The following PHACTR3 variants were observed in gnomAD, a reference collection of about 807,000 sequenced individuals.
PHACTR3 encodes protein phosphatase 1, regulatory subunit 123.
A neutral mutation model predicts 66.8 loss-of-function variants in PHACTR3; 16 were observed. That is an observed-to-expected ratio of 0.24 (90% CI 0.16 to 0.36). The LOEUF (loss-of-function observed/expected upper bound fraction) is 0.36. Among genes scored for constraint, PHACTR3 ranks in the 10% least tolerant of loss-of-function variants. The pLI, the probability that PHACTR3 is intolerant of heterozygous loss-of-function variation, is 1.00. For synonymous variants in PHACTR3, 323 were observed against 292.1 expected (o/e 1.11, Z -1.08); for missense variants, 647 against 719.9 (o/e 0.90, Z 1.16).
chr20:59,751,399 G>A (rs1057097739), intron 3 of PHACTR3, among the ~76,000 whole-genome samples: 5 of 152,128 alleles, frequency 3.3e-5, no homozygotes, highest in African/African-American at 9.7e-5. Context: ...GAGCCCCCTC[G>A]AAACTCACAT....
chr20:59,805,766 G>A (rs2041547034), intron 7 of PHACTR3, among the ~76,000 whole-genome samples: 1 of 152,186 alleles, frequency 6.6e-6, no homozygotes, highest in Non-Finnish European at 1.5e-5. Context: ...TAATCATCTG[G>A]GACAGCAGGT....
intron 5 of PHACTR3, among the ~76,000 whole-genome samples, chr20:59,768,378 C>G (rs1286109440): frequency 1.3e-5 from 2 of 152,198 alleles, no homozygotes; most frequent in African/African-American, 4.8e-5. Context: ...GATTAACCAC[C>G]ATCAATAATT....
rs2146332501 is a variant in PHACTR3 at position 59,605,275 on chromosome 20, C to T, written c.118+143C>T. The T allele has an allele frequency of 5.9e-6, 3 of 511,702 alleles. 1 individual carries two copies. Among genetic ancestry groups the T allele is most frequent in the Non-Finnish European group, 3.0e-6 (1 of 328,184 alleles). The allele number at this position is 511,702 out of a possible 1,614,324, so 31.7% of individuals were successfully genotyped here. A position where few individuals can be genotyped will look rare whatever the true frequency, so the allele number is the denominator to read the frequency against. On this transcript the variant is annotated intron_variant, in intron 1 of 12. Coordinates refer to ENST00000371015, the MANE Select transcript of PHACTR3 (RefSeq NM_080672.5). Reference sequence around the variant, plus strand: ...CCGCGCTCGGCCCCGCGGTTCCTATCCCCAGTCTCGCAGGGCTGGGGCGCC... The same window carrying T: ...CCGCGCTCGGCCCCGCGGTTCCTATTCCCAGTCTCGCAGGGCTGGGGCGCC...
chr20:59,610,072 A>G (rs2033802048), intron 1 of PHACTR3, among the ~76,000 whole-genome samples: 1 of 152,188 alleles, frequency 6.6e-6, no homozygotes. Context: ...TAGGCAACAC[A>G]GTGAAACCCT....
At chr20:59,832,902 C>G (rs1182301298) in intron 8 of PHACTR3, among the ~76,000 whole-genome samples, 3 of 152,220 alleles carry the variant, frequency 2.0e-5, no homozygotes, top group Non-Finnish European at 4.4e-5. Context: ...GGTGGCCTGG[C>G]CTTGTTGGGT....
upstream of PHACTR3, among the ~76,000 whole-genome samples, chr20:59,600,856 G>A (rs767489362): frequency 1.3e-5 from 2 of 152,118 alleles, no homozygotes; most frequent in Non-Finnish European, 2.9e-5. Flanking sequence ...GGTGGAGACA[G>A]GGAGGGTTTC....
At chr20:59,610,290 C>T (rs142482496) in intron 1 of PHACTR3, among the ~76,000 whole-genome samples, 50 of 152,316 alleles carry the variant, frequency 3.3e-4, no homozygotes, top group Non-Finnish European at 6.2e-4. Flanking sequence ...GCCCCCTTCT[C>T]ACCCTAACAC....
At chr20:59,608,919 G>A (rs1179613393) in intron 1 of PHACTR3, among the ~76,000 whole-genome samples, 1 of 152,200 alleles carries the variant, frequency 6.6e-6, no homozygotes, top group Non-Finnish European at 1.5e-5. Context: ...GAGGACAGGG[G>A]GCTTGACCAT....
In PHACTR3 at chr20:59,831,557, G is replaced by C. The variant is rs150137676; in HGVS notation, c.1329-4948G>C. 2.5e-3 allele frequency among the ~76,000 whole-genome samples: 375 copies of C among 152,342 alleles called. 3 individuals carry two copies. The highest frequency in any genetic ancestry group is 8.4e-3 in the African/African-American group (351 of 41,574). ...ACCAGCAGCCCCATTTCTGAATCAG[G>C]AGTCTCAAGCAGCTGCAGAGGGTGG... On this transcript the variant is annotated intron_variant, in intron 8 of 12. Coordinates refer to ENST00000371015, the MANE Select transcript of PHACTR3 (RefSeq NM_080672.5).
chr20:59,673,811 C>T (rs1407276178), intron 1 of PHACTR3, among the ~76,000 whole-genome samples: 1 of 152,058 alleles, frequency 6.6e-6, no homozygotes, highest in African/African-American at 2.4e-5. Context: ...ACACCCCTCC[C>T]AAATGTGTCC....
chr20:59,744,265 G>T (rs2039282913), intron 2 of PHACTR3, among the ~76,000 whole-genome samples: 1 of 152,250 alleles, frequency 6.6e-6, no homozygotes, highest in African/African-American at 2.4e-5. Flanking sequence ...TGGCGGGGCT[G>T]AGGCTTGGAC....
At chr20:59,838,875 A>G (rs2059010754) in intron 9 of PHACTR3, among the ~76,000 whole-genome samples, 1 of 152,176 alleles carries the variant, frequency 6.6e-6, no homozygotes, top group Non-Finnish European at 1.5e-5. Flanking sequence ...AGGGGAGCTC[A>G]GAAGGGGAGG....
intron 1 of PHACTR3, among the ~76,000 whole-genome samples, chr20:59,682,360 CA>C (rs904343478): frequency 1.3e-5 from 2 of 151,060 alleles, no homozygotes; most frequent in East Asian, 2.0e-4. Context: ...ACAAACAAAA[CA>C]AAAAAAAGGG....
intron 1 of PHACTR3, among the ~76,000 whole-genome samples, chr20:59,627,438 A>T (rs2034496228): frequency 6.6e-6 from 1 of 152,094 alleles, no homozygotes; most frequent in Non-Finnish European, 1.5e-5. Flanking sequence ...GTCCTGGATG[A>T]CTCCAAGCGT....
chr20:59,644,827 G>A (rs752122618), intron 1 of PHACTR3, among the ~76,000 whole-genome samples: 3 of 152,064 alleles, frequency 2.0e-5, no homozygotes, highest in South Asian at 2.1e-4. Context: ...TCATTTGTTG[G>A]CCAGTGTTTT....
chr20:59,803,129 T>C (rs1402869017), intron 7 of PHACTR3, among the ~76,000 whole-genome samples: 1 of 152,198 alleles, frequency 6.6e-6, no homozygotes, highest in African/African-American at 2.4e-5. Flanking sequence ...TTTCCCTCGG[T>C]GGCTGCCAGG....
chr20:59,722,004 G>A (rs955858429), intron 1 of PHACTR3, among the ~76,000 whole-genome samples: 3 of 152,130 alleles, frequency 2.0e-5, no homozygotes, highest in African/African-American at 7.2e-5. Context: ...GCCGATGCAG[G>A]CAGATCACAA....
At chr20:59,664,293 C>G (rs2035914110) in intron 1 of PHACTR3, among the ~76,000 whole-genome samples, 1 of 152,080 alleles carries the variant, frequency 6.6e-6, no homozygotes, top group African/African-American at 2.4e-5. Context: ...TTTTCAAATT[C>G]CCCCAGCAAC....
chr20:59,780,054 A>G (rs982098827), intron 7 of PHACTR3, among the ~76,000 whole-genome samples: 2 of 152,310 alleles, frequency 1.3e-5, no homozygotes, highest in African/African-American at 2.4e-5. Flanking sequence ...CTCTGGGCGC[A>G]GTAGAAACAC....
Sources: gnomAD v4.1 joint callset for allele counts (sites outside exome capture counted in the v4.1 genomes callset) on GRCh38, gnomAD v4.1.1 for gene constraint, MANE v1.5 for transcripts, NCBI Gene and HGNC (gene_info 2026-07-23, HGNC 2026-07-21) for gene names.